MARVELD3: variants seen among roughly 807,000 people sequenced by gnomAD.
MARVELD3 encodes the protein MARVEL domain-containing protein 3.
In MARVELD3, 28 loss-of-function variants were observed where a neutral mutation model predicts 33.5. The ratio of observed to expected loss-of-function variants is 0.84; its 90% confidence interval spans 0.62 to 1.15. The LOEUF (loss-of-function observed/expected upper bound fraction) is 1.15, where lower values mean the gene tolerates loss of function less well. Ranked by LOEUF, MARVELD3 falls within the 50% of genes most tolerant of loss-of-function variation. The probability of loss-of-function intolerance (pLI) is 0.00; values close to 1 mark genes in which losing one functional copy is unlikely to be tolerated. For synonymous variants in MARVELD3, 241 were observed against 230.4 expected (o/e 1.05, Z -0.42); for missense variants, 582 against 547.6 (o/e 1.06, Z -0.63).
downstream of MARVELD3, among the ~76,000 whole-genome samples, chr16:71,640,204 G>T (rs2145289556): frequency 6.6e-6 from 1 of 151,970 alleles, no homozygotes; most frequent in South Asian, 2.1e-4. Context: ...AGGAGGTGGA[G>T]GTTGCAGTGA....
At chr16:71,629,563 GGT>G in intron 2 of MARVELD3, 69 bp downstream of exon 2, 1 of 1,462,716 alleles carries the variant, frequency 6.8e-7, no homozygotes, top group Non-Finnish European at 9.0e-7. Flanking sequence ...GGTCTGAGCT[GGT>G]GAAGCAAAAA....
At position 71,635,197 on chromosome 16, in the gene MARVELD3, C is replaced by T. The variant is rs2044572147; in HGVS notation, c.*394C>T. On this transcript the variant is annotated 3_prime_UTR_variant, in exon 3 of 3. Transcript: ENST00000268485. ...CAAAAAAATTAGCCAGGCGTGGTGGCGGGCGCCTGTAATCCCAGCTACTTG... is the reference window on the plus strand; with the variant it reads ...CAAAAAAATTAGCCAGGCGTGGTGGTGGGCGCCTGTAATCCCAGCTACTTG... 7 of 740,540 alleles carry T rather than the reference C, an allele frequency of 9.5e-6. No homozygotes were observed. The South Asian group carries it at 1.8e-4, about 19-fold the overall frequency. The allele number at this position is 740,540 out of a possible 1,614,324, so 45.9% of individuals were successfully genotyped here. A position where few individuals can be genotyped will look rare whatever the true frequency, so the allele number is the denominator to read the frequency against.
chr16:71,633,284 C>A (rs2044549961), intron 2 of MARVELD3, among the ~76,000 whole-genome samples: 1 of 152,042 alleles, frequency 6.6e-6, no homozygotes, highest in South Asian at 2.1e-4. Context: ...ATTGCTTGAG[C>A]CTGGGAGGTC....
chr16:71,640,957 A>G (rs2044614500), downstream of MARVELD3: 1 of 1,613,928 alleles, frequency 6.2e-7, no homozygotes, highest in Non-Finnish European at 8.5e-7. Flanking sequence ...CAGAAGCGCT[A>G]CAAAGGCAGC....
intron 2 of MARVELD3, among the ~76,000 whole-genome samples, chr16:71,632,569 A>G (rs189385876): frequency 6.6e-6 from 1 of 152,034 alleles, no homozygotes; most frequent in African/African-American, 2.4e-5. Flanking sequence ...GGGTTTAATT[A>G]ACTTAATTTT....
Position 71,626,236 on chromosome 16 carries a change from G to C in MARVELD3, c.7G>C (p.Asp3His). Residue 3 changes from aspartate to histidine, a missense_variant, in exon 1 of 3, where the codon GAT becomes CAT. Transcript: ENST00000268485. The surrounding 1 kb of genome is among the most constrained non-coding windows in gnomAD (Gnocchi z 5.3). The stretch of plus-strand genomic sequence containing the variant: ...GGGGACACGGAACCCGGCCATGGAA[G>C]ATCCGTCGGGGGCTCGCGAGCCCCG... ME[D>H]PSGAREPRAR... is the part of the protein sequence containing the mutation. 1 of 1,491,058 alleles carries C rather than the reference G, an allele frequency of 6.7e-7. No homozygotes were observed. Among genetic ancestry groups the C allele is most frequent in the East Asian group, 2.5e-5 (1 of 40,224 alleles). 92.4% of individuals were successfully genotyped at this position (1,491,058 alleles called of 1,614,324 possible).
downstream of MARVELD3, chr16:71,638,898 T>A (rs572321433): frequency 6.6e-6 from 1 of 152,274 alleles, no homozygotes; most frequent in South Asian, 2.1e-4. Flanking sequence ...TGGACATCCC[T>A]GTGCTAAGTC....
Position 71,636,104 on chromosome 16 carries a change from G to A in MARVELD3, c.*1301G>A. ...TATGGAACATTGCAATATATTCTCG[G>A]TCCTTAAGTTATGACTTATGGAACA... On this transcript the variant is annotated 3_prime_UTR_variant, in exon 3 of 3. Coordinates refer to ENST00000268485, the MANE Select transcript of MARVELD3 (RefSeq NM_052858.6). The A allele has an allele frequency of 1.0e-6, 1 of 985,008 alleles. No individual in the cohort carries two copies. The highest frequency in any genetic ancestry group is 1.2e-6 in the Non-Finnish European group (1 of 829,730). 61.0% of individuals were successfully genotyped at this position (985,008 alleles called of 1,614,324 possible).
chr16:71,637,231 G>C (rs1226196426), downstream of MARVELD3, among the ~76,000 whole-genome samples: 1 of 152,184 alleles, frequency 6.6e-6, no homozygotes, highest in Non-Finnish European at 1.5e-5. Flanking sequence ...CAGTCAACAG[G>C]TGATTGACAA....
At chr16:71,629,281 G>A in intron 1 of MARVELD3, 86 bp from the exon 2 acceptor site, 1 of 1,379,582 alleles carries the variant, frequency 7.2e-7, no homozygotes, top group Non-Finnish European at 9.6e-7. Context: ...TAATATTTGG[G>A]CCCAGCACGA....
downstream of MARVELD3, among the ~76,000 whole-genome samples, chr16:71,640,206 T>C (rs547381240): frequency 7.9e-5 from 12 of 151,428 alleles, no homozygotes; most frequent in African/African-American, 2.4e-4. Context: ...GAGGTGGAGG[T>C]TGCAGTGAGC....
downstream of MARVELD3, among the ~76,000 whole-genome samples, chr16:71,639,967 A>G (rs190763229): frequency 2.0e-5 from 3 of 152,312 alleles, no homozygotes; most frequent in Admixed American, 2.0e-4. Flanking sequence ...CAAAAAGCAA[A>G]TTAAATATAC....
At position 71,635,715 on chromosome 16, in the gene MARVELD3, G is replaced by A. The variant is rs565831026; in HGVS notation, c.*912G>A. The A allele has an allele frequency of 3.0e-5, 30 of 985,054 alleles. No individual in the cohort carries two copies. The Admixed American group carries it at 4.9e-4, about 16-fold the overall frequency. 61.0% of individuals were successfully genotyped at this position (985,054 alleles called of 1,614,324 possible). A position where few individuals can be genotyped will look rare whatever the true frequency, so the allele number is the denominator to read the frequency against. Reference sequence around the variant, plus strand: ...TTGTCTCAAGCAGATTACTCCACACGTTTTTCCACACTGAACTCTCCAGTC... The same window carrying A: ...TTGTCTCAAGCAGATTACTCCACACATTTTTCCACACTGAACTCTCCAGTC... On this transcript the variant is annotated 3_prime_UTR_variant, in exon 3 of 3. Transcript: ENST00000268485.
chr16:71,632,803 G>C (rs2044545993), intron 2 of MARVELD3, among the ~76,000 whole-genome samples: 1 of 151,492 alleles, frequency 6.6e-6, no homozygotes, highest in African/African-American at 2.4e-5. Flanking sequence ...GTAGAGACAG[G>C]GTTTCACCAT....
chr16:71,635,114 G>C lies in MARVELD3; in HGVS notation c.*311G>C. 1 of 960,494 alleles carries C rather than the reference G, an allele frequency of 1.0e-6. No homozygotes were observed. The highest frequency in any genetic ancestry group is 1.3e-6 in the Non-Finnish European group (1 of 794,082). 59.5% of individuals were successfully genotyped at this position (960,494 alleles called of 1,614,324 possible). ...AGGCTGAGGTGGGTGGATCACTTGA[G>C]GTCAGGAGCTCGAGACCAGCTTGGC... On this transcript the variant is annotated 3_prime_UTR_variant, in exon 3 of 3. Coordinates refer to ENST00000268485, the MANE Select transcript of MARVELD3 (RefSeq NM_052858.6).
Position 71,635,000 on chromosome 16 carries a change from G to C in MARVELD3, c.*197G>C, listed in dbSNP as rs771012361. 24 of 1,352,566 alleles carry C rather than the reference G, an allele frequency of 1.8e-5. 1 individual carries two copies. The highest frequency in any genetic ancestry group is 7.6e-5 in the South Asian group (4 of 52,800). The allele number at this position is 1,352,566 out of a possible 1,614,324, so 83.8% of individuals were successfully genotyped here. A position where few individuals can be genotyped will look rare whatever the true frequency, so the allele number is the denominator to read the frequency against. On this transcript the variant is annotated 3_prime_UTR_variant, in exon 3 of 3. Transcript: ENST00000268485. ...CAGACCCTGGCTTCTGGAGTCCTCT[G>C]TGAGTGAGGGACCAATCAAAATTAT...
At chr16:71,631,199 T>C (rs1410115414) in intron 2 of MARVELD3, among the ~76,000 whole-genome samples, 3 of 152,188 alleles carry the variant, frequency 2.0e-5, no homozygotes, top group African/African-American at 7.2e-5. Flanking sequence ...GTTGCAGATA[T>C]TGGCACAACC....
chr16:71,626,213 G>A lies in MARVELD3; in HGVS notation c.-17G>A, dbSNP rs1244067945. 1.4e-6 allele frequency: 2 copies of A among 1,451,106 alleles called. No homozygotes were observed. Among genetic ancestry groups the A allele is most frequent in the Middle Eastern group, 1.8e-4 (1 of 5,538 alleles). 89.9% of individuals were successfully genotyped at this position (1,451,106 alleles called of 1,614,324 possible). The stretch of plus-strand genomic sequence containing the variant: ...TTGCCCTCAGGTCGCTCCCGGGCGG[G>A]GACACGGAACCCGGCCATGGAAGAT... On this transcript the variant is annotated 5_prime_UTR_variant, in exon 1 of 3. Transcript: ENST00000268485. The surrounding 1 kb of genome is among the most constrained non-coding windows in gnomAD (Gnocchi z 5.3).
chr16:71,626,592 A>T lies in MARVELD3; in HGVS notation c.363A>T (p.Gly121=), dbSNP rs2044473923. The change falls in exon 1 of 3, where the codon GGA becomes GGT. Residue 121 remains glycine (G), a synonymous_variant. Transcript: ENST00000268485. The surrounding 1 kb of genome is among the most constrained non-coding windows in gnomAD (Gnocchi z 5.3). ...GCCGGACGCGGGACGGAGCCCGGGG[A>T]CTGACCTGGGACGCAGCCGCGCCTC... ...RQSRTRDGAR[G]LTWDAAAPPG... 6.5e-7 allele frequency: 1 copy of T among 1,544,194 alleles called. No individual in the cohort carries two copies. The highest frequency in any genetic ancestry group is 8.7e-7 in the Non-Finnish European group (1 of 1,146,562).
Sources: allele counts gnomAD v4.1 joint callset (sites outside exome capture counted in the v4.1 genomes callset), GRCh38; gene constraint gnomAD v4.1.1; non-coding constraint Gnocchi (gnomAD v3.1); transcripts MANE v1.5; gene names NCBI Gene and HGNC (gene_info 2026-07-23, HGNC 2026-07-21).